CMTM8: variants seen among roughly 807,000 people sequenced by gnomAD.
CMTM8 encodes the protein CKLF like MARVEL transmembrane domain containing 8.
In CMTM8, 12 loss-of-function variants were observed where a neutral mutation model predicts 18.6. The observed-to-expected ratio is 0.65, with a 90% CI of 0.41 to 1.05. The LOEUF is 1.05. Ranked by LOEUF, CMTM8 falls within the 50% of genes least tolerant of loss-of-function variation. The pLI is 0.00. For synonymous variants in CMTM8, 87 were observed against 90.6 expected (o/e 0.96, Z 0.23); for missense variants, 217 against 227.2 (o/e 0.95, Z 0.29).
At chr3:32,263,109 T>C (rs1702280267) in intron 1 of CMTM8, among the ~76,000 whole-genome samples, 1 of 151,882 alleles carries the variant, frequency 6.6e-6, no homozygotes, top group Non-Finnish European at 1.5e-5. Flanking sequence ...CAGTAGCGGT[T>C]CTCTCAGCAC....
At position 32,363,553 on chromosome 3, in the gene CMTM8, G is replaced by C. The variant is rs147611035; in HGVS notation, c.322-4319G>C. Among the ~76,000 whole-genome samples, 10 of 152,310 alleles carry C rather than the reference G, an allele frequency of 6.6e-5. No individual in the cohort carries two copies. The East Asian group carries it at 1.4e-3, about 21-fold the overall frequency. On this transcript the variant is annotated intron_variant, in intron 2 of 3. Coordinates refer to ENST00000307526, the MANE Select transcript of CMTM8 (RefSeq NM_178868.5). Reference sequence around the variant, plus strand: ...TGGAAACTCCGTTACCATATAATAAGAGAGAAACATAGCAGGAGACAGCCA... The same window carrying C: ...TGGAAACTCCGTTACCATATAATAACAGAGAAACATAGCAGGAGACAGCCA...
At chr3:32,304,729 A>G (rs975612614) in intron 1 of CMTM8, among the ~76,000 whole-genome samples, 24 of 152,228 alleles carry the variant, frequency 1.6e-4, no homozygotes, top group African/African-American at 5.8e-4. Flanking sequence ...CAGCTTGGTT[A>G]CATGTTGGTT....
intron 2 of CMTM8, among the ~76,000 whole-genome samples, chr3:32,362,362 G>A (rs1373255017): frequency 2.0e-5 from 3 of 152,060 alleles, no homozygotes; most frequent in African/African-American, 7.2e-5. Flanking sequence ...TATTTCTTAA[G>A]TACATACTAT....
chr3:32,244,373 CGG>C (rs1559359891), intron 1 of CMTM8, among the ~76,000 whole-genome samples: 1 of 152,100 alleles, frequency 6.6e-6, no homozygotes. Flanking sequence ...TGTTTAGAAA[CGG>C]GGGTCTCACT....
At chr3:32,239,958 T>C (rs1701925046) in intron 1 of CMTM8, among the ~76,000 whole-genome samples, 1 of 152,182 alleles carries the variant, frequency 6.6e-6, no homozygotes, top group Non-Finnish European at 1.5e-5. Flanking sequence ...CGGTGGATGG[T>C]GAAGCATGGA....
intron 1 of CMTM8, among the ~76,000 whole-genome samples, chr3:32,267,044 CA>C (rs1444489884): frequency 1.3e-5 from 2 of 152,088 alleles, no homozygotes; most frequent in Admixed American, 6.6e-5. Flanking sequence ...TTTATAGATT[CA>C]ATGCCATCCC....
intron 1 of CMTM8, among the ~76,000 whole-genome samples, chr3:32,341,600 GGT>G (rs1696495329): frequency 6.6e-6 from 1 of 152,206 alleles, no homozygotes; most frequent in Non-Finnish European, 1.5e-5. Context: ...CTTGAGGCCA[GGT>G]GTGGTGGCTC....
At chr3:32,313,711 T>G (rs1366109033) in intron 1 of CMTM8, among the ~76,000 whole-genome samples, 1 of 152,174 alleles carries the variant, frequency 6.6e-6, no homozygotes, top group African/African-American at 2.4e-5. Flanking sequence ...GGAATCCGTG[T>G]TTAGCAAGTT....
chr3:32,239,136 C>G lies in CMTM8; in HGVS notation c.147+17C>G. The G allele has an allele frequency of 6.3e-7, 1 of 1,581,014 alleles. No individual in the cohort carries two copies. Among genetic ancestry groups the G allele is most frequent in the Non-Finnish European group, 8.6e-7 (1 of 1,164,308 alleles). On this transcript the variant is annotated intron_variant, in intron 1 of 3. Transcript: ENST00000307526. ...GCCGAGATCGTGAGTGCCGACGGGC[C>G]GGGGGTGGCGGGGGGCTCAGCTGGA...
chr3:32,309,507 C>T (rs540021217), intron 1 of CMTM8, among the ~76,000 whole-genome samples: 5 of 151,856 alleles, frequency 3.3e-5, no homozygotes, highest in African/African-American at 1.2e-4. Context: ...AGTGTTTTGC[C>T]GTCTTGGCCA....
chr3:32,314,763 C>T (rs908219222), intron 1 of CMTM8, among the ~76,000 whole-genome samples: 2 of 152,050 alleles, frequency 1.3e-5, no homozygotes, highest in Non-Finnish European at 2.9e-5. Flanking sequence ...AGGCATGAGC[C>T]TCCACGCCAG....
chr3:32,311,607 G>A (rs1168844530), intron 1 of CMTM8, among the ~76,000 whole-genome samples: 3 of 152,158 alleles, frequency 2.0e-5, no homozygotes, highest in Non-Finnish European at 4.4e-5. Context: ...CATGTGCAAT[G>A]TCCTCTTTGC....
intron 1 of CMTM8, among the ~76,000 whole-genome samples, chr3:32,313,763 C>A (rs1695868370): frequency 6.6e-6 from 1 of 152,134 alleles, no homozygotes; most frequent in Non-Finnish European, 1.5e-5. Flanking sequence ...CTTTAAAAGA[C>A]CAGGTGAAGA....
chr3:32,277,828 A>G (rs1375237005), intron 1 of CMTM8, among the ~76,000 whole-genome samples: 1 of 152,216 alleles, frequency 6.6e-6, no homozygotes, highest in Non-Finnish European at 1.5e-5. Flanking sequence ...CACAATACTG[A>G]GCCCATAGTT....
intron 1 of CMTM8, among the ~76,000 whole-genome samples, chr3:32,275,777 G>A (rs2125546529): frequency 6.6e-6 from 1 of 150,630 alleles, no homozygotes; most frequent in African/African-American, 2.4e-5. Context: ...AGCCTCCAGA[G>A]TAACTGGGAT....
At chr3:32,361,757 C>T (rs540312383) in intron 2 of CMTM8, among the ~76,000 whole-genome samples, 1 of 152,298 alleles carries the variant, frequency 6.6e-6, no homozygotes, top group Admixed American at 6.5e-5. Flanking sequence ...GCAGAAACCA[C>T]AGCTGGTTCC....
At chr3:32,278,826 A>C (rs965918890) in intron 1 of CMTM8, among the ~76,000 whole-genome samples, 3 of 152,212 alleles carry the variant, frequency 2.0e-5, no homozygotes, top group Non-Finnish European at 4.4e-5. Context: ...ATTCAGTGAA[A>C]GACACTTCCT....
chr3:32,295,734 T>C (rs543432118), intron 1 of CMTM8, among the ~76,000 whole-genome samples: 1 of 152,204 alleles, frequency 6.6e-6, no homozygotes, highest in Admixed American at 6.5e-5. Context: ...CCCCTCTGCT[T>C]AAACCCCTAG....
At chr3:32,277,386 CTTTT>C (rs1279296919) in intron 1 of CMTM8, among the ~76,000 whole-genome samples, 1 of 150,982 alleles carries the variant, frequency 6.6e-6, no homozygotes, top group Non-Finnish European at 1.5e-5. Flanking sequence ...GTCTTTCTTT[CTTTT>C]TTTATTTTCC....
Sources: gnomAD v4.1 joint callset for allele counts (sites outside exome capture counted in the v4.1 genomes callset) on GRCh38, gnomAD v4.1.1 for gene constraint, MANE v1.5 for transcripts, NCBI Gene and HGNC (gene_info 2026-07-23, HGNC 2026-07-21) for gene names.